The following UBE4B variants were observed in gnomAD, a reference collection of about 807,000 sequenced individuals.
UBE4B encodes the protein ubiquitin conjugation factor E4 B.
UBE4B carries 27 observed loss-of-function variants against 148.1 expected under a neutral mutation model. The ratio of observed to expected loss-of-function variants is 0.18; its 90% CI spans 0.13 to 0.25. UBE4B has a LOEUF of 0.25. UBE4B is among the 10% of genes least tolerant of loss of function. UBE4B has a pLI of 1.00. For missense variants in UBE4B, 1,170 were observed against 1,662.4 expected (o/e 0.70, Z 5.15); for synonymous variants, 596 against 619.3 (o/e 0.96, Z 0.56).
At chr1:10,108,634 A>G (rs530020168) in intron 7 of UBE4B, among the ~76,000 whole-genome samples, 1 of 152,326 alleles carries the variant, frequency 6.6e-6, no homozygotes, top group African/African-American at 2.4e-5. Flanking sequence ...GGAGTTAGGT[A>G]CACTTCATTC....
At chr1:10,115,536 T>C (rs1431409966) in intron 7 of UBE4B, among the ~76,000 whole-genome samples, 6 of 152,182 alleles carry the variant, frequency 3.9e-5, no homozygotes, top group Non-Finnish European at 8.8e-5. Flanking sequence ...CCTCCCAAAG[T>C]GCTGGGATTA....
rs992492298 is a variant in UBE4B, at chr1:10,156,775, C to T, written c.2927-1581C>T. Among the ~76,000 whole-genome samples the T allele has an allele frequency of 4.6e-5, 7 of 152,050 alleles. 1 individual carries two copies. In the South Asian group the frequency reaches 6.2e-4, roughly 13 times the overall value. Reference sequence around the variant, plus strand: ...CTTAATGAATATACATAAGTACTTTCGGATCTTAGTATGATAGGTGTTAAT... The same window carrying T: ...CTTAATGAATATACATAAGTACTTTTGGATCTTAGTATGATAGGTGTTAAT... On this transcript the variant is annotated intron_variant, in intron 21 of 27. Coordinates refer to ENST00000343090, the MANE Select transcript of UBE4B (RefSeq NM_001105562.3).
At chr1:10,160,826 C>T (rs750853419) in intron 22 of UBE4B, among the ~76,000 whole-genome samples, 40 of 152,202 alleles carry the variant, frequency 2.6e-4, no homozygotes, top group South Asian at 4.2e-4. Flanking sequence ...GCCTGTAGTT[C>T]CAGCTACTTA....
chr1:10,040,628 T>C (rs1470321551), intron 1 of UBE4B, among the ~76,000 whole-genome samples: 1 of 151,370 alleles, frequency 6.6e-6, no homozygotes, highest in African/African-American at 2.4e-5. Flanking sequence ...TTTCTTTTTT[T>C]TTTTTTGAGA....
chr1:10,132,235 C>G (rs1317801474), intron 14 of UBE4B, 134 bp from the exon 15 acceptor site: 2 of 632,310 alleles, frequency 3.2e-6, no homozygotes, highest in South Asian at 2.0e-5. Context: ...TATTCTTTCA[C>G]TCAGGCTCTT....
At chr1:10,090,787 A>G (rs1644834983) in intron 2 of UBE4B, among the ~76,000 whole-genome samples, 1 of 131,272 alleles carries the variant, frequency 7.6e-6, no homozygotes, top group South Asian at 2.7e-4. Flanking sequence ...TTAGAAGCCT[A>G]TGCATTTGTG....
At chr1:10,080,159 C>T (rs908768446) in intron 2 of UBE4B, among the ~76,000 whole-genome samples, 1 of 152,012 alleles carries the variant, frequency 6.6e-6, no homozygotes, top group African/African-American at 2.4e-5. Context: ...TGGTGGCTCA[C>T]GCCTGTAATC....
chr1:10,073,083 AC>A (rs1436355979), intron 2 of UBE4B: 1 of 152,280 alleles, frequency 6.6e-6, no homozygotes, highest in East Asian at 1.9e-4. Context: ...TTCAACCAAA[AC>A]ATCTGTTAGT....
At chr1:10,095,428 T>A (rs1176085322) in intron 2 of UBE4B, 33 bp from the exon 3 acceptor site, 3 of 1,610,500 alleles carry the variant, frequency 1.9e-6, no homozygotes, top group Non-Finnish European at 8.5e-7. Context: ...TTATTTCACA[T>A]GGGGCTTCAT....
intron 3 of UBE4B, among the ~76,000 whole-genome samples, chr1:10,096,359 G>A (rs1195051815): frequency 2.0e-5 from 3 of 152,126 alleles, no homozygotes; most frequent in African/African-American, 7.2e-5. Flanking sequence ...TCATGGTTGA[G>A]CAAGTCAGAC....
At chr1:10,114,064 C>CAAAA (rs34811287) in intron 7 of UBE4B, among the ~76,000 whole-genome samples, 3 of 44,494 alleles carry the variant, frequency 6.7e-5, no homozygotes, top group African/African-American at 8.6e-5. Flanking sequence ...GACTCCGTCT[C>CAAAA]AAAAAAAAAA....
At chr1:10,095,054 C>T (rs1018057167) in intron 2 of UBE4B, among the ~76,000 whole-genome samples, 33 of 152,194 alleles carry the variant, frequency 2.2e-4, no homozygotes, top group African/African-American at 7.5e-4. Context: ...GCTGGGATTC[C>T]AGGCATGAGC....
At chr1:10,049,112 T>TA (rs903632825) in intron 1 of UBE4B, among the ~76,000 whole-genome samples, 1 of 152,140 alleles carries the variant, frequency 6.6e-6, no homozygotes, top group Non-Finnish European at 1.5e-5. Context: ...TTTTAGAGCT[T>TA]AAAAAAATAG....
At chr1:10,154,713 A>G (rs1185738954) in intron 21 of UBE4B, among the ~76,000 whole-genome samples, 2 of 152,048 alleles carry the variant, frequency 1.3e-5, no homozygotes, top group African/African-American at 2.4e-5. Context: ...GTAGTGGTGC[A>G]CACCTATAGT....
At chr1:10,074,175 A>G (rs545279990) in intron 2 of UBE4B, among the ~76,000 whole-genome samples, 2 of 152,062 alleles carry the variant, frequency 1.3e-5, no homozygotes, top group African/African-American at 4.8e-5. Flanking sequence ...AGCCTCAGTC[A>G]TCACATCCAT....
At chr1:10,107,137 T>G (rs1645126026) in intron 7 of UBE4B, 14 of 1,239,916 alleles carry the variant, frequency 1.1e-5, no homozygotes, top group Non-Finnish European at 1.5e-5. Context: ...TATGGTTTAT[T>G]TAAAAGGACA....
At chr1:10,146,133 C>T (rs1398614605) in intron 18 of UBE4B, among the ~76,000 whole-genome samples, 2 of 152,134 alleles carry the variant, frequency 1.3e-5, no homozygotes, top group African/African-American at 4.8e-5. Flanking sequence ...AAGCAGTCCA[C>T]AGATGTGTTT....
At chr1:10,169,463 A>G (rs949728460) in intron 24 of UBE4B, among the ~76,000 whole-genome samples, 2 of 152,150 alleles carry the variant, frequency 1.3e-5, no homozygotes, top group Admixed American at 6.6e-5. Context: ...GTCTCTTCAT[A>G]AACAGATTTC....
chr1:10,179,687 A>T, intron 27 of UBE4B, 125 bp downstream of exon 27: 1 of 1,487,796 alleles, frequency 6.7e-7, no homozygotes, highest in Non-Finnish European at 9.0e-7. Flanking sequence ...ACTTTATGAC[A>T]CTCTGTAGCA....
Sources: allele counts gnomAD v4.1 joint callset (sites outside exome capture counted in the v4.1 genomes callset), GRCh38; gene constraint gnomAD v4.1.1; transcripts MANE v1.5; gene names NCBI Gene and HGNC (gene_info 2026-07-23, HGNC 2026-07-21).